The following GRM5 variants were observed in gnomAD, a reference collection of about 807,000 sequenced individuals.
GRM5 encodes metabotropic glutamate receptor 5.
Under a neutral mutation model 83.1 loss-of-function variants are expected in GRM5, and 19 were observed. The observed-to-expected ratio is 0.23, with a 90% CI of 0.16 to 0.34. The LOEUF (loss-of-function observed/expected upper bound fraction) is 0.34. Ranked by LOEUF, GRM5 falls within the 10% of genes least tolerant of loss-of-function variation. The probability of loss-of-function intolerance (pLI) is 1.00; values close to 1 mark genes in which losing one functional copy is unlikely to be tolerated. For synonymous variants in GRM5, 675 were observed against 633.6 expected, an observed-to-expected ratio of 1.07 and a Z score of -0.98; for missense variants, 1,160 against 1,588.3, an observed-to-expected ratio of 0.73 and a Z score of 4.58.
At chr11:88,650,232 C>A (rs1348527674) in intron 4 of GRM5, among the ~76,000 whole-genome samples, 5 of 151,420 alleles carry the variant, frequency 3.3e-5, no homozygotes, top group South Asian at 2.1e-4. Flanking sequence ...AAAAAGAAAA[C>A]AAGTAGTAAA....
chr11:88,956,752 G>A (rs1938629602), intron 2 of GRM5, among the ~76,000 whole-genome samples: 1 of 152,206 alleles, frequency 6.6e-6, no homozygotes, highest in Admixed American at 6.5e-5. Context: ...CTTGCAGTGA[G>A]CCGAGATTGC....
intron 2 of GRM5, among the ~76,000 whole-genome samples, chr11:88,866,829 T>C (rs1194449363): frequency 1.3e-5 from 2 of 152,178 alleles, no homozygotes; most frequent in Non-Finnish European, 2.9e-5. Flanking sequence ...CTAGAGTTTT[T>C]ATGGTTTTAG....
At chr11:88,653,076 T>G (rs1939674483) in intron 4 of GRM5, 92 bp downstream of exon 4, 8 of 777,602 alleles carry the variant, frequency 1.0e-5, no homozygotes, top group Non-Finnish European at 1.5e-5. Flanking sequence ...TCCTCCCTTG[T>G]AACATATTAC....
At position 88,647,338 on chromosome 11, in the gene GRM5, C is replaced by T. The variant is rs902148276; in HGVS notation, c.1147+5830G>A. 1.6e-4 allele frequency among the ~76,000 whole-genome samples: 24 copies of T among 149,294 alleles called. No individual in the cohort carries two copies. The South Asian group carries it at 2.2e-3, about 14-fold the overall frequency. On this transcript the variant is annotated intron_variant, in intron 4 of 9. Transcript: ENST00000305447. ...GTAATTCAACCCAGTATAAGGCACT[C>T]CTTAAAAAAAGTATAAGACACTCCT... is the stretch of plus-strand genomic sequence containing the variant.
At position 88,849,896 on chromosome 11, in the gene GRM5, T is replaced by A; in HGVS notation, c.911+10A>T. On this transcript the variant is annotated intron_variant, in intron 3 of 9. Transcript: ENST00000305447. Reference sequence around the variant, plus strand: ...ATTAACTCCATGTAAATTTTCTTATTATCACTCACCTGCCCAGAAGCAGAA... The same window carrying A: ...ATTAACTCCATGTAAATTTTCTTATAATCACTCACCTGCCCAGAAGCAGAA... The A allele has an allele frequency of 2.5e-6, 4 of 1,613,210 alleles. No homozygotes were observed. Among genetic ancestry groups the A allele is most frequent in the Non-Finnish European group, 3.4e-6 (4 of 1,179,408 alleles).
intron 1 of GRM5, among the ~76,000 whole-genome samples, chr11:89,061,246 C>T (rs904454517): frequency 6.6e-6 from 1 of 152,124 alleles, no homozygotes; most frequent in Admixed American, 6.5e-5. Context: ...ATAGCTCTGT[C>T]TTCATCCCAT....
intron 5 of GRM5, among the ~76,000 whole-genome samples, chr11:88,600,270 CCTG>C (rs1400846011): frequency 7.1e-6 from 1 of 141,380 alleles, no homozygotes; most frequent in African/African-American, 3.0e-5. Context: ...CCTTCTTCCT[CCTG>C]CTCCTTCTCC....
chr11:88,601,598 C>A (rs573067805), intron 5 of GRM5, among the ~76,000 whole-genome samples: 2 of 151,794 alleles, frequency 1.3e-5, no homozygotes, highest in African/African-American at 2.4e-5. Flanking sequence ...TCATTTTTGC[C>A]GTTGTTTTCA....
intron 8 of GRM5, among the ~76,000 whole-genome samples, chr11:88,553,570 A>T (rs754849042): frequency 1.5e-4 from 23 of 152,128 alleles, no homozygotes; most frequent in Non-Finnish European, 2.5e-4. Flanking sequence ...TCCAGAGTAA[A>T]AGTGAACAGG....
At chr11:88,649,131 A>T (rs1156749438) in intron 4 of GRM5, among the ~76,000 whole-genome samples, 2 of 142,578 alleles carry the variant, frequency 1.4e-5, no homozygotes, top group African/African-American at 5.2e-5. Flanking sequence ...ATATTTTTAT[A>T]TGTGTAATAT....
rs1209293628 is a variant in GRM5 at position 88,525,345 on chromosome 11, C to T, written c.2690G>A (p.Gly897Glu). Residue 897 changes from glycine to glutamate, a missense_variant, in exon 9 of 10, where the codon GGG becomes GAG. Coordinates refer to ENST00000305447, the MANE Select transcript of GRM5 (RefSeq NM_001143831.3). Reference protein sequence around the residue: ...KSEIECFTPKGSMGNGGRATM... With the variant: ...KSEIECFTPKESMGNGGRATM... ...TGCTCTCCCACCATTCCCCATACTCCCTTTGGGGGTGAAACACTCTATTTC... is the reference window on the plus strand; with the variant it reads ...TGCTCTCCCACCATTCCCCATACTCTCTTTGGGGGTGAAACACTCTATTTC... 3.1e-6 allele frequency: 5 copies of T among 1,611,126 alleles called. No individual in the cohort carries two copies. Among genetic ancestry groups the T allele is most frequent in the Non-Finnish European group, 4.2e-6 (5 of 1,177,322 alleles).
At chr11:88,675,368 G>A (rs184678278) in intron 3 of GRM5, among the ~76,000 whole-genome samples, 1 of 151,894 alleles carries the variant, frequency 6.6e-6, no homozygotes, top group East Asian at 1.9e-4. Flanking sequence ...AATTGTTAGA[G>A]AAGAAAGACT....
chr11:88,656,800 C>T (rs1239789751), intron 3 of GRM5, among the ~76,000 whole-genome samples: 1 of 151,758 alleles, frequency 6.6e-6, no homozygotes, highest in Non-Finnish European at 1.5e-5. Context: ...AAATAAAAAA[C>T]AAGACAGTAT....
chr11:88,708,861 T>A (rs1463228624), intron 3 of GRM5, among the ~76,000 whole-genome samples: 1 of 151,984 alleles, frequency 6.6e-6, no homozygotes, highest in Admixed American at 6.6e-5. Flanking sequence ...TGGAAAAAAA[T>A]TCCTAGGAGC....
At chr11:88,719,739 C>T (rs1316357702) in intron 3 of GRM5, among the ~76,000 whole-genome samples, 1 of 151,868 alleles carries the variant, frequency 6.6e-6, no homozygotes, top group African/African-American at 2.4e-5. Context: ...TGGCTCTTGA[C>T]TTTAATAATA....
chr11:88,683,185 G>C (rs1169926153), intron 3 of GRM5, among the ~76,000 whole-genome samples: 1 of 152,108 alleles, frequency 6.6e-6, no homozygotes, highest in Non-Finnish European at 1.5e-5. Flanking sequence ...AGGTCTCAGG[G>C]GATCATTGTC....
chr11:88,841,666 G>A (rs10831517), intron 3 of GRM5, among the ~76,000 whole-genome samples: 32,599 of 152,144 alleles, frequency 0.21, 4,662 homozygotes, highest in Non-Finnish European at 0.32. Flanking sequence ...GGCATCTGCA[G>A]CTGCAGACCG....
At chr11:88,863,805 C>A (rs531729797) in intron 2 of GRM5, among the ~76,000 whole-genome samples, 1 of 151,886 alleles carries the variant, frequency 6.6e-6, no homozygotes, top group South Asian at 2.1e-4. Flanking sequence ...TTTAACATTT[C>A]TCTTACAATT....
In GRM5 at chr11:88,519,366, ATAGT is replaced by A. The variant is rs547956571; in HGVS notation, c.2726+5939_2726+5942del. Among the ~76,000 whole-genome samples, 324 of 152,184 alleles carry A rather than the reference ATAGT, an allele frequency of 2.1e-3. 2 individuals are homozygous for A. Among genetic ancestry groups the A allele is most frequent in the African/African-American group, 7.3e-3 (305 of 41,542 alleles). Reference sequence around the variant, plus strand: ...CAGAAGCAGAAGGAATGATGGTCAAATAGTTAGGTTAGGGTTAGTTTATGAAGAA... The same window carrying A: ...CAGAAGCAGAAGGAATGATGGTCAAATAGGTTAGGGTTAGTTTATGAAGAA... On this transcript the variant is annotated intron_variant, in intron 9 of 9. Coordinates refer to ENST00000305447, the MANE Select transcript of GRM5 (RefSeq NM_001143831.3).
Sources: gnomAD v4.1 joint callset for allele counts (sites outside exome capture counted in the v4.1 genomes callset) on GRCh38, gnomAD v4.1.1 for gene constraint, MANE v1.5 for transcripts, NCBI Gene and HGNC (gene_info 2026-07-23, HGNC 2026-07-21) for gene names.